The following CC2D2B variants were observed in gnomAD, a reference collection of about 807,000 sequenced individuals.
The protein encoded by CC2D2B is protein CC2D2B.
A neutral mutation model predicts 161.2 loss-of-function variants in CC2D2B; 128 were observed. The observed-to-expected ratio is 0.79, with a 90% CI of 0.69 to 0.92. CC2D2B has a LOEUF of 0.92. CC2D2B is among the 40% of genes least tolerant of loss of function. The pLI is 0.00. For missense variants in CC2D2B, 1,173 were observed against 1,375.1 expected, an observed-to-expected ratio of 0.85 and a Z score of 2.32; for synonymous variants, 391 against 449.8, an observed-to-expected ratio of 0.87 and a Z score of 1.65.
At chr10:96,027,095 C>A in intron 33 of CC2D2B, 117 bp from the exon 34 acceptor site, 1 of 709,556 alleles carries the variant, frequency 1.4e-6, no homozygotes, top group Non-Finnish European at 2.2e-6. Context: ...TGCACTCCAG[C>A]CTGGGGGACA....
intron 5 of CC2D2B, among the ~76,000 whole-genome samples, chr10:95,925,143 T>C (rs1183405268): frequency 6.6e-6 from 1 of 152,226 alleles, no homozygotes; most frequent in Non-Finnish European, 1.5e-5. Context: ...AAGAGTTTAT[T>C]TGAACAGGCA....
chr10:96,025,172 TATATATATATATAAAA>T (rs1196333348), intron 33 of CC2D2B, among the ~76,000 whole-genome samples: 7 of 17,622 alleles, frequency 4.0e-4, no homozygotes, highest in African/African-American at 1.2e-3. Flanking sequence ...TATATATATA[TATATATATATATAAAA>T]AAAAATATAT....
At chr10:95,983,837 T>A in intron 19 of CC2D2B, 28 bp downstream of exon 19, 1 of 1,005,050 alleles carries the variant, frequency 9.9e-7, no homozygotes, top group African/African-American at 1.7e-5. Flanking sequence ...GAATATGGCT[T>A]ATTGTATGAT....
intron 19 of CC2D2B, among the ~76,000 whole-genome samples, chr10:95,987,926 C>A (rs779780787): frequency 2.0e-5 from 3 of 152,156 alleles, no homozygotes; most frequent in Non-Finnish European, 4.4e-5. Flanking sequence ...TGATACAGGG[C>A]AAATGCATAC....
At chr10:96,025,157 ATATATATATAT>A (rs1564683613) in intron 33 of CC2D2B, among the ~76,000 whole-genome samples, 2,122 of 30,872 alleles carry the variant, frequency 0.069, 138 homozygotes, top group Middle Eastern at 0.12. Context: ...AAAAAAAAAT[ATATATATATAT>A]ATATATATAT....
At chr10:96,003,023 T>TAA (rs947904741) in intron 24 of CC2D2B, among the ~76,000 whole-genome samples, 28 of 87,538 alleles carry the variant, frequency 3.2e-4, no homozygotes, top group Admixed American at 4.0e-4. Context: ...AATAAATAAA[T>TAA]ATATATATAT....
At chr10:95,929,371 T>C (rs2098545486) in intron 6 of CC2D2B, among the ~76,000 whole-genome samples, 1 of 152,228 alleles carries the variant, frequency 6.6e-6, no homozygotes, top group Non-Finnish European at 1.5e-5. Context: ...TGATAGTTTC[T>C]TTTGCTGTGC....
intron 5 of CC2D2B, among the ~76,000 whole-genome samples, chr10:95,926,415 G>A (rs1456735789): frequency 6.6e-6 from 1 of 151,814 alleles, no homozygotes; most frequent in Non-Finnish European, 1.5e-5. Context: ...ATTGTTACAA[G>A]GTGAATAACT....
At chr10:95,991,092 G>GA (rs1301480549) in intron 20 of CC2D2B, among the ~76,000 whole-genome samples, 4 of 152,004 alleles carry the variant, frequency 2.6e-5, no homozygotes, top group African/African-American at 9.7e-5. Flanking sequence ...TGAGTTAGAT[G>GA]AAAAAAATAA....
intron 34 of CC2D2B, among the ~76,000 whole-genome samples, chr10:96,028,931 T>C (rs2079902074): frequency 1.3e-5 from 2 of 151,702 alleles, no homozygotes; most frequent in South Asian, 2.1e-4. Flanking sequence ...AGCAAAACAA[T>C]CAAACTCATG....
At chr10:95,934,538 G>A (rs543916295) in intron 6 of CC2D2B, among the ~76,000 whole-genome samples, 2 of 152,298 alleles carry the variant, frequency 1.3e-5, no homozygotes, top group East Asian at 3.9e-4. Context: ...GGGCCCTGGT[G>A]ACGTAGGCCC....
chr10:95,965,171 T>C (rs1428933079), intron 12 of CC2D2B, among the ~76,000 whole-genome samples: 4 of 152,086 alleles, frequency 2.6e-5, no homozygotes, highest in Admixed American at 6.6e-5. Context: ...ACAAGAAATT[T>C]TTACACTATC....
intron 9 of CC2D2B, among the ~76,000 whole-genome samples, chr10:95,939,348 C>T (rs2075941394): frequency 6.6e-6 from 1 of 152,044 alleles, no homozygotes; most frequent in Admixed American, 6.6e-5. Context: ...CTGTATAGAA[C>T]TCCATAGTAT....
chr10:96,019,175 A>G, intron 30 of CC2D2B, 28 bp from the exon 31 acceptor site: 1 of 1,540,818 alleles, frequency 6.5e-7, no homozygotes, highest in Non-Finnish European at 8.7e-7. Flanking sequence ...TAAATCCACC[A>G]AAAATTACTT....
At chr10:96,027,916 G>A (rs1033117107) in intron 34 of CC2D2B, among the ~76,000 whole-genome samples, 1 of 152,098 alleles carries the variant, frequency 6.6e-6, no homozygotes, top group Non-Finnish European at 1.5e-5. Flanking sequence ...AATGATGCTG[G>A]GAAAACTGGA....
At chr10:95,986,611 C>G (rs1352470909) in intron 19 of CC2D2B, among the ~76,000 whole-genome samples, 5 of 151,932 alleles carry the variant, frequency 3.3e-5, no homozygotes, top group Non-Finnish European at 5.9e-5. Flanking sequence ...ATTAGTTTTT[C>G]TTTGAGATGG....
intron 9 of CC2D2B, among the ~76,000 whole-genome samples, chr10:95,940,173 A>G (rs1382599998): frequency 6.6e-6 from 1 of 152,078 alleles, no homozygotes; most frequent in African/African-American, 2.4e-5. Context: ...GGTGCCACCC[A>G]CTTTTGAATG....
At chr10:95,988,517 G>T (rs578145152) in intron 20 of CC2D2B, among the ~76,000 whole-genome samples, 175 bp downstream of exon 20, 3 of 152,130 alleles carry the variant, frequency 2.0e-5, no homozygotes, top group Admixed American at 6.5e-5. Flanking sequence ...TGAGAGTTAG[G>T]TTACTTCATT....
intron 26 of CC2D2B, among the ~76,000 whole-genome samples, chr10:96,011,182 T>A (rs749254327): frequency 2.6e-4 from 39 of 152,226 alleles, no homozygotes; most frequent in Admixed American, 1.8e-3. Context: ...CAATGTGCAA[T>A]CACATGAAGT....
Sources: gnomAD v4.1 joint callset for allele counts (sites outside exome capture counted in the v4.1 genomes callset) on GRCh38, gnomAD v4.1.1 for gene constraint, MANE v1.5 for transcripts, NCBI Gene and HGNC (gene_info 2026-07-23, HGNC 2026-07-21) for gene names.